TECRL: variants seen among roughly 807,000 people sequenced by gnomAD.
TECRL encodes trans-2,3-enoyl-CoA reductase like.
TECRL carries 63 observed loss-of-function variants against 52.8 expected under a neutral mutation model. The observed-to-expected ratio is 1.19, with a 90% CI of 0.97 to 1.47. The LOEUF (loss-of-function observed/expected upper bound fraction) is 1.47, where lower values mean the gene tolerates loss of function less well. Among genes scored for constraint, TECRL ranks in the 40% most tolerant of loss-of-function variants. TECRL has a pLI of 0.00. For missense variants in TECRL, 482 were observed against 429.6 expected (o/e 1.12, Z -1.08); for synonymous variants, 164 against 141.9 (o/e 1.16, Z -1.10).
chr4:64,387,741 T>G (rs997765617), intron 1 of TECRL, among the ~76,000 whole-genome samples: 1 of 152,072 alleles, frequency 6.6e-6, no homozygotes, highest in South Asian at 2.1e-4. Flanking sequence ...GTAAAAGGGT[T>G]GTTTGGCTTT....
At chr4:64,314,302 A>G (rs1338467218) in intron 5 of TECRL, among the ~76,000 whole-genome samples, 1 of 152,060 alleles carries the variant, frequency 6.6e-6, no homozygotes, top group African/African-American at 2.4e-5. Context: ...AAGCATTTGT[A>G]TTTTATATCC....
At chr4:64,344,774 C>G (rs961181230) in intron 2 of TECRL, among the ~76,000 whole-genome samples, 1 of 152,170 alleles carries the variant, frequency 6.6e-6, no homozygotes, top group African/African-American at 2.4e-5. Flanking sequence ...GAAAACGTTT[C>G]AGATAGATTT....
rs117521776 is a variant in TECRL, at chr4:64,308,293, C to T, written c.657+1533G>A. Among the ~76,000 whole-genome samples the T allele has an allele frequency of 4.5e-4, 68 of 152,248 alleles. No homozygotes were observed. The East Asian group carries it at 0.012, about 27-fold the overall frequency. On this transcript the variant is annotated intron_variant, in intron 6 of 11. Transcript: ENST00000381210. ...TACTCAGAAGAAACTCTCCAGCCAC[C>T]TGCGCAGGTACAGACAAGAACTGAG...
At chr4:64,312,659 A>T (rs1051167935) in intron 5 of TECRL, among the ~76,000 whole-genome samples, 1 of 151,632 alleles carries the variant, frequency 6.6e-6, no homozygotes, top group African/African-American at 2.4e-5. Context: ...TCAGCTACTT[A>T]GGGGGCTGAG....
At chr4:64,308,431 A>C (rs966751703) in intron 6 of TECRL, among the ~76,000 whole-genome samples, 1 of 152,156 alleles carries the variant, frequency 6.6e-6, no homozygotes, top group Non-Finnish European at 1.5e-5. Flanking sequence ...GCCAAGATGA[A>C]GTATCTATGG....
intron 5 of TECRL, among the ~76,000 whole-genome samples, chr4:64,310,222 T>G (rs1277027974): frequency 6.6e-6 from 1 of 152,180 alleles, no homozygotes. Flanking sequence ...GGAGTGGGTA[T>G]AAATATAATA....
chr4:64,309,935 GAA>G lies in TECRL; in HGVS notation c.552-6_552-5del. The G allele has an allele frequency of 6.6e-7, 1 of 1,526,430 alleles. No individual in the cohort carries two copies. The highest frequency in any genetic ancestry group is 8.9e-7 in the Non-Finnish European group (1 of 1,123,386). The allele number at this position is 1,526,430 out of a possible 1,614,324, so 94.6% of individuals were successfully genotyped here. ...ACAATGACAGAAGCAAGCCAAGCTG[GAA>G]AAAAAAATAAAACATAAACATGAAA... On this transcript the variant is annotated splice_region_variant and splice_polypyrimidine_tract_variant and intron_variant, in intron 5 of 11. Transcript: ENST00000381210.
intron 2 of TECRL, among the ~76,000 whole-genome samples, chr4:64,368,720 T>C (rs1416752206): frequency 6.6e-6 from 1 of 152,126 alleles, no homozygotes; most frequent in Admixed American, 6.6e-5. Flanking sequence ...ATTTATCATT[T>C]TTCTGGCTTT....
intron 3 of TECRL, among the ~76,000 whole-genome samples, chr4:64,325,531 T>G (rs1032189842): frequency 6.6e-6 from 1 of 152,176 alleles, no homozygotes; most frequent in Non-Finnish European, 1.5e-5. Flanking sequence ...TAATAAATGA[T>G]AGTTTTTTTA....
At chr4:64,383,628 A>G (rs568036290) in intron 1 of TECRL, among the ~76,000 whole-genome samples, 8 of 151,724 alleles carry the variant, frequency 5.3e-5, no homozygotes, top group African/African-American at 1.9e-4. Flanking sequence ...TTAAATTTCT[A>G]ATTTAGATTA....
intron 4 of TECRL, among the ~76,000 whole-genome samples, chr4:64,317,054 G>T (rs1211003238): frequency 6.6e-6 from 1 of 152,060 alleles, no homozygotes; most frequent in African/African-American, 2.4e-5. Context: ...CGAGGCGGGC[G>T]GATGACAAGG....
At chr4:64,325,774 T>C (rs572535618) in intron 3 of TECRL, among the ~76,000 whole-genome samples, 2 of 152,156 alleles carry the variant, frequency 1.3e-5, no homozygotes, top group Admixed American at 1.3e-4. Context: ...GGTTAGTTTC[T>C]ACCCTTCTAT....
chr4:64,343,526 T>A (rs556791190), intron 2 of TECRL, among the ~76,000 whole-genome samples: 1 of 152,012 alleles, frequency 6.6e-6, no homozygotes, highest in African/African-American at 2.4e-5. Context: ...ATGATATCCC[T>A]CAAAGCATTA....
chr4:64,395,607 CTG>C (rs1220329942), intron 1 of TECRL, among the ~76,000 whole-genome samples: 5 of 152,248 alleles, frequency 3.3e-5, no homozygotes, highest in Middle Eastern at 3.4e-3. Context: ...AAAGGGCAAA[CTG>C]AGATTATTTC....
intron 9 of TECRL, among the ~76,000 whole-genome samples, chr4:64,288,149 TA>T (rs377628980): frequency 0.019 from 2,563 of 135,346 alleles, 28 homozygotes; most frequent in African/African-American, 0.036. Context: ...GACTCCATCT[TA>T]AAAAAAAAAA....
At chr4:64,350,399 G>A (rs762551767) in intron 2 of TECRL, among the ~76,000 whole-genome samples, 2 of 152,118 alleles carry the variant, frequency 1.3e-5, no homozygotes, top group Non-Finnish European at 2.9e-5. Context: ...TACATAACTA[G>A]GTGTGAAGGT....
chr4:64,407,066 A>G (rs931162065), intron 1 of TECRL, among the ~76,000 whole-genome samples: 6 of 152,056 alleles, frequency 3.9e-5, no homozygotes, highest in African/African-American at 1.4e-4. Flanking sequence ...TCTCACCACT[A>G]TTATGAAACA....
At chr4:64,369,925 G>T (rs1016815947) in intron 2 of TECRL, among the ~76,000 whole-genome samples, 4 of 151,794 alleles carry the variant, frequency 2.6e-5, no homozygotes, top group Admixed American at 6.6e-5. Context: ...GCTACACATT[G>T]TGATTAACTA....
chr4:64,326,171 G>A (rs1718248834), intron 3 of TECRL, among the ~76,000 whole-genome samples: 1 of 152,014 alleles, frequency 6.6e-6, no homozygotes, highest in African/African-American at 2.4e-5. Context: ...CAAGACTATT[G>A]TATAAAGGAT....
Sources: gnomAD v4.1 joint callset for allele counts (sites outside exome capture counted in the v4.1 genomes callset) on GRCh38, gnomAD v4.1.1 for gene constraint, MANE v1.5 for transcripts, NCBI Gene and HGNC (gene_info 2026-07-23, HGNC 2026-07-21) for gene names.